Variants in RSF1 observed in about 807,000 individuals in gnomAD.
RSF1 encodes the protein remodeling and spacing factor 1, also known as HBV pX-associated protein 8.
Under a neutral mutation model 145.2 loss-of-function variants are expected in RSF1, and 13 were observed. The observed-to-expected ratio is 0.09, with a 90% CI of 0.06 to 0.14. RSF1 has a LOEUF of 0.14. Among genes scored for constraint, RSF1 ranks in the 10% least tolerant of loss-of-function variants. RSF1 has a pLI of 1.00. For synonymous variants in RSF1, 577 were observed against 592.6 expected, an observed-to-expected ratio of 0.97 and a Z score of 0.38; for missense variants, 1,517 against 1,718.2, an observed-to-expected ratio of 0.88 and a Z score of 2.07.
chr11:77,702,524 GA>G, intron 5 of RSF1, 29 bp from the exon 6 acceptor site: 1 of 1,405,616 alleles, frequency 7.1e-7, no homozygotes, highest in East Asian at 2.4e-5. Context: ...TTAATTACAT[GA>G]ATAGAAACTT....
intron 3 of RSF1, among the ~76,000 whole-genome samples, chr11:77,742,878 G>A (rs186374362): frequency 6.6e-5 from 10 of 152,076 alleles, no homozygotes; most frequent in East Asian, 1.9e-4. Flanking sequence ...TTATACTTTC[G>A]GGTCTATATG....
intron 15 of RSF1, among the ~76,000 whole-genome samples, chr11:77,669,978 A>C (rs562761122): frequency 6.6e-6 from 1 of 152,294 alleles, no homozygotes; most frequent in Non-Finnish European, 1.5e-5. Context: ...AATAAATTTA[A>C]AAATTAGCAG....
At chr11:77,743,131 C>G (rs1201570246) in intron 3 of RSF1, among the ~76,000 whole-genome samples, 3 of 152,160 alleles carry the variant, frequency 2.0e-5, no homozygotes, top group Admixed American at 2.0e-4. Context: ...CCATGTTGTT[C>G]TGATTACTAT....
At chr11:77,729,390 T>C (rs1253981760) in intron 4 of RSF1, among the ~76,000 whole-genome samples, 5 of 152,154 alleles carry the variant, frequency 3.3e-5, no homozygotes, top group South Asian at 2.1e-4. Context: ...TAAACTGTTA[T>C]ATTTTCCTAT....
intron 14 of RSF1, among the ~76,000 whole-genome samples, chr11:77,673,223 C>G (rs1054994295): frequency 6.6e-6 from 1 of 152,164 alleles, no homozygotes; most frequent in African/African-American, 2.4e-5. Context: ...ATATTTTTGA[C>G]TCTTCTCCAT....
At chr11:77,823,619 CTCAAAAAAAAAAAA>C (rs1949037926), upstream of RSF1, among the ~76,000 whole-genome samples, 1 of 56,646 alleles carries the variant, frequency 1.8e-5, no homozygotes, top group Non-Finnish European at 3.1e-5. Flanking sequence ...TACACCCTGT[CTCAAAAAAAAAAAA>C]AAAAAAAAAG....
intron 1 of RSF1, chr11:77,813,476 T>G (rs1366585582): frequency 9.7e-7 from 1 of 1,027,634 alleles, no homozygotes; most frequent in Non-Finnish European, 1.5e-6. Flanking sequence ...CCACAAGGAC[T>G]TTTTCTGTAG....
intron 2 of RSF1, among the ~76,000 whole-genome samples, chr11:77,760,266 T>C (rs1171497676): frequency 6.6e-6 from 1 of 152,190 alleles, no homozygotes; most frequent in Non-Finnish European, 1.5e-5. Context: ...AATGAGATGA[T>C]ACATGATACA....
intron 5 of RSF1, among the ~76,000 whole-genome samples, chr11:77,723,744 C>T (rs1343642684): frequency 1.3e-5 from 2 of 152,100 alleles, no homozygotes; most frequent in Admixed American, 1.3e-4. Flanking sequence ...CTGAGAGCAG[C>T]AAATAAAGGA....
At chr11:77,777,444 T>C (rs1438280366) in intron 1 of RSF1, among the ~76,000 whole-genome samples, 1 of 151,678 alleles carries the variant, frequency 6.6e-6, no homozygotes, top group Non-Finnish European at 1.5e-5. Flanking sequence ...ATATAAGAAA[T>C]TAGCCAGGCG....
At chr11:77,721,586 A>T (rs1960941656) in intron 5 of RSF1, among the ~76,000 whole-genome samples, 1 of 152,204 alleles carries the variant, frequency 6.6e-6, no homozygotes, top group Non-Finnish European at 1.5e-5. Flanking sequence ...CCTCATCTGA[A>T]AAAAGGGAAG....
intron 3 of RSF1, among the ~76,000 whole-genome samples, chr11:77,745,483 T>C (rs1413968515): frequency 6.6e-6 from 1 of 150,440 alleles, no homozygotes; most frequent in Non-Finnish European, 1.5e-5. Flanking sequence ...TTCATTTCTC[T>C]CAAGAGTTTT....
chr11:77,820,408 C>G (rs1303351576), intron 1 of RSF1, 120 bp downstream of exon 1: 1 of 1,089,266 alleles, frequency 9.2e-7, no homozygotes, highest in African/African-American at 1.6e-5. Context: ...GGAGTTGCGT[C>G]CCAGGGGGAA....
intron 3 of RSF1, among the ~76,000 whole-genome samples, chr11:77,743,007 C>G (rs911494281): frequency 6.6e-6 from 1 of 152,206 alleles, no homozygotes; most frequent in Non-Finnish European, 1.5e-5. Flanking sequence ...CTGTCCTTTG[C>G]ACAGTGTGTA....
At chr11:77,674,944 A>G in intron 14 of RSF1, 92 bp downstream of exon 14, 1 of 979,290 alleles carries the variant, frequency 1.0e-6, no homozygotes, top group East Asian at 2.5e-5. Context: ...GGTTGCAGTG[A>G]GCCGAGATGG....
the RSF1 span, among the ~76,000 whole-genome samples, chr11:77,863,722 C>T: frequency 2.0e-5 from 3 of 152,100 alleles, no homozygotes; most frequent in Non-Finnish European, 4.4e-5. Context: ...ACTATGTTGC[C>T]CAGGCTGGTC....
chr11:77,724,652 G>A (rs1026028736), intron 5 of RSF1, among the ~76,000 whole-genome samples: 1 of 152,104 alleles, frequency 6.6e-6, no homozygotes, highest in African/African-American at 2.4e-5. Context: ...GAGGTGGGCT[G>A]GGGGGATGGT....
At chr11:77,737,782 T>G (rs983565480) in intron 4 of RSF1, among the ~76,000 whole-genome samples, 1 of 152,146 alleles carries the variant, frequency 6.6e-6, no homozygotes, top group African/African-American at 2.4e-5. Context: ...TGATAAATAT[T>G]TCTTTAGTGA....
At chr11:77,749,512 C>T (rs1306822492) in intron 2 of RSF1, among the ~76,000 whole-genome samples, 1 of 152,082 alleles carries the variant, frequency 6.6e-6, no homozygotes. Context: ...GACATAGCTC[C>T]AAAGTTTGGC....
Sources: allele counts gnomAD v4.1 joint callset (sites outside exome capture counted in the v4.1 genomes callset), GRCh38; gene constraint gnomAD v4.1.1; transcripts MANE v1.5; gene names NCBI Gene and HGNC (gene_info 2026-07-23, HGNC 2026-07-21).